The following ACSM6 variants were observed in gnomAD, a reference collection of about 807,000 sequenced individuals.
The protein encoded by ACSM6 is acyl-CoA synthetase medium chain family member 6.
ACSM6 carries 35 observed loss-of-function variants against 51.1 expected under a neutral mutation model. The ratio of observed to expected loss-of-function variants is 0.69; its 90% CI spans 0.52 to 0.91. The LOEUF (loss-of-function observed/expected upper bound fraction) is 0.91. Among genes scored for constraint, ACSM6 ranks in the 40% least tolerant of loss-of-function variants. The pLI is 0.00. For missense variants in ACSM6, 509 were observed against 584.1 expected (o/e 0.87, Z 1.32); for synonymous variants, 172 against 207.3 (o/e 0.83, Z 1.46).
intron 2 of ACSM6, among the ~76,000 whole-genome samples, chr10:95,199,981 A>C (rs1304330705): frequency 6.6e-6 from 1 of 152,202 alleles, no homozygotes; most frequent in Non-Finnish European, 1.5e-5. Context: ...ATACTATTTG[A>C]CCCAGCCATC....
rs1231558605 is a variant in ACSM6, at chr10:95,200,597, A to AAGAAGG, written c.193-1370_193-1365dup. On this transcript the variant is annotated intron_variant, in intron 2 of 10. Transcript: ENST00000341686. ...AAGAAGAAGATGAAGAAAGAAGAAG[A>AAGAAGG]AGAAGGAGAAGGAGAAGGAGAAGAA... is the stretch of plus-strand genomic sequence containing the variant. Among the ~76,000 whole-genome samples, 1,102 of 145,588 alleles carry AAGAAGG rather than the reference A, an allele frequency of 7.6e-3. 16 individuals carry two copies. The highest frequency in any genetic ancestry group is 0.026 in the African/African-American group (1,038 of 39,508).
chr10:95,221,629 C>A (rs1301802181), intron 9 of ACSM6, among the ~76,000 whole-genome samples: 1 of 151,790 alleles, frequency 6.6e-6, no homozygotes, highest in Non-Finnish European at 1.5e-5. Flanking sequence ...ACAAAATAGA[C>A]CACTTAGAAA....
chr10:95,220,716 T>C (rs2034988008), intron 9 of ACSM6, among the ~76,000 whole-genome samples: 1 of 152,204 alleles, frequency 6.6e-6, no homozygotes, highest in Non-Finnish European at 1.5e-5. Flanking sequence ...AGTTCTATTT[T>C]TTGTTTTTTG....
At chr10:95,213,075 A>G (rs770267202) in intron 7 of ACSM6, 135 bp downstream of exon 7, 125 of 677,290 alleles carry the variant, frequency 1.8e-4, no homozygotes, top group Non-Finnish European at 3.0e-4. Context: ...ATTCATGACA[A>G]CAACTCCATT....
At chr10:95,197,550 A>G (rs1023909993) in intron 2 of ACSM6, among the ~76,000 whole-genome samples, 2 of 152,170 alleles carry the variant, frequency 1.3e-5, no homozygotes, top group Non-Finnish European at 2.9e-5. Context: ...CTCCACCCAA[A>G]CATCTCAGTG....
chr10:95,228,513 C>T (rs1440459847), intron 10 of ACSM6, 131 bp from the exon 11 acceptor site: 2 of 859,794 alleles, frequency 2.3e-6, no homozygotes, highest in Non-Finnish European at 1.6e-6. Context: ...TATGTGAGAT[C>T]CCCTGGAGAG....
In ACSM6 at chr10:95,197,899, C is replaced by A. The variant is rs147049278; in HGVS notation, c.192+3222C>A. On this transcript the variant is annotated intron_variant, in intron 2 of 10. Coordinates refer to ENST00000341686, the Ensembl canonical transcript of ACSM6. ...GGGCAGAAGTCCCTGCGGCTTTCCGCAGTGCACTGTGCCCCTGGTTTATTG... is the reference window on the plus strand; with the variant it reads ...GGGCAGAAGTCCCTGCGGCTTTCCGAAGTGCACTGTGCCCCTGGTTTATTG... Among the ~76,000 whole-genome samples, 858 of 152,344 alleles carry A rather than the reference C, an allele frequency of 5.6e-3. 8 individuals are homozygous for A. Among genetic ancestry groups the A allele is most frequent in the African/African-American group, 0.02 (815 of 41,582 alleles).
chr10:95,228,030 C>A (rs756746354), intron 10 of ACSM6, among the ~76,000 whole-genome samples: 2 of 151,850 alleles, frequency 1.3e-5, no homozygotes, highest in Non-Finnish European at 2.9e-5. Flanking sequence ...CGACATCACA[C>A]CACTGCATTC....
At chr10:95,222,531 G>T (rs1383064932) in intron 9 of ACSM6, among the ~76,000 whole-genome samples, 1 of 151,826 alleles carries the variant, frequency 6.6e-6, no homozygotes, top group African/African-American at 2.4e-5. Flanking sequence ...GCTGAGGCAG[G>T]AGAATCACTT....
At chr10:95,200,901 C>A (rs1056471191) in intron 2 of ACSM6, among the ~76,000 whole-genome samples, 4 of 152,070 alleles carry the variant, frequency 2.6e-5, no homozygotes, top group African/African-American at 9.7e-5. Context: ...AGCCTTCCTT[C>A]CCTCCATCCT....
At chr10:95,223,728 C>CTGAA (rs551588920) in intron 9 of ACSM6, among the ~76,000 whole-genome samples, 142 of 152,186 alleles carry the variant, frequency 9.3e-4, no homozygotes, top group African/African-American at 3.4e-3. Flanking sequence ...TCAGACTCAA[C>CTGAA]AGTAAAAAAC....
At chr10:95,197,506 C>A (rs815243) in intron 2 of ACSM6, among the ~76,000 whole-genome samples, 102,560 of 149,568 alleles carry the variant, frequency 0.69, 35,932 homozygotes, top group Non-Finnish European at 0.77. Flanking sequence ...AGGTACTATG[C>A]CTGGATGTGC....
At chr10:95,202,325 T>C (rs2034802781) in intron 3 of ACSM6, 130 bp downstream of exon 3, 2 of 835,484 alleles carry the variant, frequency 2.4e-6, no homozygotes, top group Non-Finnish European at 3.9e-6. Flanking sequence ...TGGGGGATCT[T>C]TAAACAGGCC....
intron 3 of ACSM6, among the ~76,000 whole-genome samples, chr10:95,206,082 C>G (rs1304651690): frequency 1.3e-5 from 2 of 152,130 alleles, no homozygotes; most frequent in Non-Finnish European, 2.9e-5. Flanking sequence ...ATTCACAAAG[C>G]TGGGCAACCA....
chr10:95,203,039 T>G (rs895234391), intron 3 of ACSM6, among the ~76,000 whole-genome samples: 1 of 151,978 alleles, frequency 6.6e-6, no homozygotes, highest in Non-Finnish European at 1.5e-5. Flanking sequence ...CAGCAGGAGA[T>G]GCGCAGAGGG....
In ACSM6 at chr10:95,222,466, T is replaced by C. The variant is rs540491773; in HGVS notation, c.1200+2495T>C. Among the ~76,000 whole-genome samples the C allele has an allele frequency of 3.3e-4, 50 of 151,740 alleles. 1 individual carries two copies. Among genetic ancestry groups the C allele is most frequent in the Admixed American group, 2.3e-3 (35 of 15,236 alleles). On this transcript the variant is annotated intron_variant, in intron 9 of 10. Transcript: ENST00000341686. Reference sequence around the variant, plus strand: ...GGCAAAACCCCATCTCTACTAAAAATAAAAAAATTAGCCAGGCATGGTGGC... The same window carrying C: ...GGCAAAACCCCATCTCTACTAAAAACAAAAAAATTAGCCAGGCATGGTGGC...
intron 2 of ACSM6, among the ~76,000 whole-genome samples, chr10:95,197,965 T>C (rs1463764324): frequency 4.6e-5 from 7 of 152,360 alleles, no homozygotes; most frequent in East Asian, 1.9e-4. Context: ...GTATACTGCT[T>C]GTAAACATTT....
intron 10 of ACSM6, chr10:95,226,291 G>A (rs1359855115): frequency 1.3e-5 from 2 of 152,138 alleles, no homozygotes; most frequent in East Asian, 1.9e-4. Context: ...AAGAGTGGCT[G>A]GGCACAGTGG....
At chr10:95,207,163 T>G (rs1186363616) in intron 3 of ACSM6, 45 bp from the exon 4 acceptor site, 2 of 1,588,174 alleles carry the variant, frequency 1.3e-6, no homozygotes, top group South Asian at 2.2e-5. Context: ...AAAAATTCTC[T>G]ACTCAAAAGA....
Sources: gnomAD v4.1 joint callset for allele counts (sites outside exome capture counted in the v4.1 genomes callset) on GRCh38, gnomAD v4.1.1 for gene constraint, MANE v1.5 for transcripts, NCBI Gene and HGNC (gene_info 2026-07-23, HGNC 2026-07-21) for gene names.